Variants in SNX18 observed in about 807,000 individuals in gnomAD.
SNX18 encodes the protein sorting nexin 18, also known as sorting nexin-18.
A neutral mutation model predicts 48.7 loss-of-function variants in SNX18; 35 were observed. The observed-to-expected ratio is 0.72, with a 90% CI of 0.55 to 0.95. The LOEUF (loss-of-function observed/expected upper bound fraction) is 0.95. Ranked by LOEUF, SNX18 falls within the 40% of genes least tolerant of loss-of-function variation. SNX18 has a pLI of 0.00. For missense variants in SNX18, 824 were observed against 871.0 expected, an observed-to-expected ratio of 0.95 and a Z score of 0.68; for synonymous variants, 492 against 384.7, an observed-to-expected ratio of 1.28 and a Z score of -3.26.
At chr5:54,547,236 C>G (rs992553437), downstream of SNX18, among the ~76,000 whole-genome samples, 1 of 152,192 alleles carries the variant, frequency 6.6e-6, no homozygotes, top group African/African-American at 2.4e-5. Context: ...GAGAGCTACA[C>G]TTAAAAGTAT....
At chr5:54,522,772 T>C (rs755625451) in intron 1 of SNX18, among the ~76,000 whole-genome samples, 2 of 152,150 alleles carry the variant, frequency 1.3e-5, no homozygotes, top group Non-Finnish European at 2.9e-5. Context: ...ACTCAAATAC[T>C]CTTAAATGTT....
At chr5:54,617,049 A>G in the SNX18 span, among the ~76,000 whole-genome samples, 141 of 152,306 alleles carry the variant, frequency 9.3e-4, no homozygotes, top group African/African-American at 3.2e-3. Context: ...AGGTCTCTTG[A>G]TTTTGAGATA....
chr5:54,578,761 C>T, the SNX18 span, among the ~76,000 whole-genome samples: 2,075 of 152,252 alleles, frequency 0.014, 21 homozygotes, highest in Non-Finnish European at 0.021. Context: ...ACCCCGGATC[C>T]TTAGGATAAA....
At chr5:54,578,347 G>A in the SNX18 span, among the ~76,000 whole-genome samples, 3 of 152,190 alleles carry the variant, frequency 2.0e-5, no homozygotes, top group Admixed American at 1.3e-4. Context: ...GATAGAATCT[G>A]AATGTGCTTT....
the SNX18 span, among the ~76,000 whole-genome samples, chr5:54,597,841 AAGC>A: frequency 1.7e-3 from 258 of 152,178 alleles, 1 homozygote; most frequent in African/African-American, 6.1e-3. Flanking sequence ...AGAGAACAAA[AAGC>A]AGACAAACCC....
chr5:54,558,552 C>T, the SNX18 span, among the ~76,000 whole-genome samples: 1 of 152,198 alleles, frequency 6.6e-6, no homozygotes, highest in African/African-American at 2.4e-5. Context: ...AAAGGAAATG[C>T]TCCACCTGTT....
At chr5:54,530,178 G>A (rs937347517) in intron 1 of SNX18, among the ~76,000 whole-genome samples, 2 of 152,152 alleles carry the variant, frequency 1.3e-5, no homozygotes, top group Admixed American at 6.5e-5. Flanking sequence ...AAGGACACCC[G>A]TTGTCCTAGA....
chr5:54,578,519 G>C, the SNX18 span, among the ~76,000 whole-genome samples: 1 of 152,190 alleles, frequency 6.6e-6, no homozygotes, highest in East Asian at 1.9e-4. Context: ...GGAATAGGCA[G>C]GCACCATCAG....
At chr5:54,577,816 G>T in the SNX18 span, among the ~76,000 whole-genome samples, 1 of 152,172 alleles carries the variant, frequency 6.6e-6, no homozygotes, top group Non-Finnish European at 1.5e-5. Flanking sequence ...ACCCAGTTCT[G>T]GGTTGTGTGT....
At chr5:54,536,268 A>G (rs1202480853) in intron 1 of SNX18, among the ~76,000 whole-genome samples, 1 of 152,106 alleles carries the variant, frequency 6.6e-6, no homozygotes, top group Non-Finnish European at 1.5e-5. Context: ...TCTAGGGTAC[A>G]TGTGCACAGC....
the SNX18 span, among the ~76,000 whole-genome samples, chr5:54,560,137 A>C: frequency 4.6e-5 from 7 of 152,360 alleles, no homozygotes; most frequent in African/African-American, 1.7e-4. Flanking sequence ...TACATACCCA[A>C]AGGAATGTAA....
At chr5:54,594,769 C>A in the SNX18 span, among the ~76,000 whole-genome samples, 1 of 152,076 alleles carries the variant, frequency 6.6e-6, no homozygotes, top group Non-Finnish European at 1.5e-5. Flanking sequence ...TACGATTGAT[C>A]CTATCACCCA....
chr5:54,621,274 T>A, the SNX18 span, among the ~76,000 whole-genome samples: 1 of 152,218 alleles, frequency 6.6e-6, no homozygotes, highest in Non-Finnish European at 1.5e-5. Flanking sequence ...TATGAGTAAC[T>A]TTGCGTTCTT....
chr5:54,606,878 GT>G, the SNX18 span, among the ~76,000 whole-genome samples: 2 of 152,024 alleles, frequency 1.3e-5, no homozygotes, highest in Admixed American at 1.3e-4. Context: ...ACCTGTATAG[GT>G]TTGTGTATCC....
the SNX18 span, among the ~76,000 whole-genome samples, chr5:54,622,819 G>C: frequency 6.6e-6 from 1 of 152,002 alleles, no homozygotes; most frequent in Admixed American, 6.6e-5. Context: ...CAAGGAAGCT[G>C]AGACTCTAAG....
the SNX18 span, among the ~76,000 whole-genome samples, chr5:54,605,638 AT>A: frequency 2.0e-5 from 3 of 152,246 alleles, no homozygotes; most frequent in African/African-American, 7.2e-5. Flanking sequence ...AATTATTGAG[AT>A]TTTTTATGAT....
At chr5:54,630,829 CAAAAAAAAAA>C in the SNX18 span, among the ~76,000 whole-genome samples, 5 of 94,518 alleles carry the variant, frequency 5.3e-5, no homozygotes, top group Middle Eastern at 4.9e-3. Context: ...AAGACTCAGT[CAAAAAAAAAA>C]AAAAAAAAAA....
the SNX18 span, among the ~76,000 whole-genome samples, chr5:54,591,074 G>A: frequency 6.6e-6 from 1 of 151,934 alleles, no homozygotes; most frequent in Non-Finnish European, 1.5e-5. Flanking sequence ...CAGAAGCACT[G>A]TCAGCTTCCA....
At chr5:54,571,458 G>A in the SNX18 span, among the ~76,000 whole-genome samples, 34 of 152,340 alleles carry the variant, frequency 2.2e-4, no homozygotes, top group Middle Eastern at 3.4e-3. Context: ...GGACACAACT[G>A]TCTAGAGACT....
Sources: gnomAD v4.1 joint callset for allele counts (sites outside exome capture counted in the v4.1 genomes callset) on GRCh38, gnomAD v4.1.1 for gene constraint, MANE v1.5 for transcripts, NCBI Gene and HGNC (gene_info 2026-07-23, HGNC 2026-07-21) for gene names.